The following FAM186A variants were observed in gnomAD, a reference collection of about 807,000 sequenced individuals.
The protein encoded by FAM186A is protein FAM186A.
A neutral mutation model predicts 216.8 loss-of-function variants in FAM186A; 163 were observed. The observed-to-expected ratio is 0.75, with a 90% CI of 0.66 to 0.86. The LOEUF (loss-of-function observed/expected upper bound fraction) is 0.86. FAM186A is among the 40% of genes least tolerant of loss of function. The pLI is 0.00. For missense variants in FAM186A, 2,184 were observed against 2,746.2 expected (o/e 0.80, Z 4.58); for synonymous variants, 805 against 1,025.3 (o/e 0.79, Z 4.10).
chr12:50,327,849 A>C (rs1942620893), intron 7 of FAM186A, among the ~76,000 whole-genome samples: 1 of 152,108 alleles, frequency 6.6e-6, no homozygotes, highest in Admixed American at 6.6e-5. Context: ...CTGGCCTGTA[A>C]TCCATATATA....
chr12:50,342,008 TAAGATTATACC>T (rs1201980534), intron 4 of FAM186A, among the ~76,000 whole-genome samples: 2 of 152,140 alleles, frequency 1.3e-5, no homozygotes, highest in African/African-American at 2.4e-5. Context: ...GATGCAAGCT[TAAGATTATACC>T]AAAACTTCAC....
Position 50,355,313 on chromosome 12 carries a change from T to A in FAM186A, c.1519A>T (p.Lys507Ter). The A allele has an allele frequency of 2.6e-6, 4 of 1,550,422 alleles. No individual in the cohort carries two copies. The South Asian group carries it at 4.8e-5, about 19-fold the overall frequency. The change falls in exon 4 of 8, where the codon AAA becomes TAA. Residue 507 changes from lysine (K) to a stop codon, truncating the protein, a stop_gained. Transcript: ENST00000327337. LOFTEE classifies it high-confidence loss of function. ...TTTGATTTATCTTCAGAAAAGGATTTCATTTCTTTTCTTTTCTTTTTCAGT... is the reference window on the plus strand; with the variant it reads ...TTTGATTTATCTTCAGAAAAGGATTACATTTCTTTTCTTTTCTTTTTCAGT... ...QVLKKKRKEM[K>*]SFSEDKSKSP...
Position 50,333,951 on chromosome 12 carries a change from C to T in FAM186A, c.6656G>A (p.Arg2219Gln), listed in dbSNP as rs1411428395. The stretch of plus-strand genomic sequence containing the variant: ...TATCATTTTCTTCAGGCACTGATTC[C>T]GTTTCTGCCCTAGAGACTTCTGCTT... ...TEKQKSLGQK[R>Q]NQCLKKMIHV... The change falls in exon 5 of 8, where the codon CGG becomes CAG. Residue 2219 changes from arginine to glutamine, a missense_variant. Arg to Gln is a conservative substitution (Grantham distance 43, BLOSUM62 1). Coordinates refer to ENST00000327337, the MANE Select transcript of FAM186A (RefSeq NM_001145475.3). 30 of 1,551,246 alleles carry T rather than the reference C, an allele frequency of 1.9e-5. No homozygotes were observed. The highest frequency in any genetic ancestry group is 2.2e-5 in the Non-Finnish European group (25 of 1,146,944).
In FAM186A at chr12:50,330,647, G is replaced by A. The variant is rs574961453; in HGVS notation, c.6960C>T (p.Tyr2320=). ...ACTGAAGCAGCCTGGGAATATCTGG[G>A]TACCCACCCAGCTGGGCCCAGAGTG... ...MHSLWAQLGG[Y]PDIPRLLQLE... Residue 2320 remains tyrosine, a synonymous_variant, in exon 7 of 8, where the codon TAC becomes TAT. Transcript: ENST00000327337. 1 of 1,550,172 alleles carries A rather than the reference G, an allele frequency of 6.5e-7. No individual in the cohort carries two copies. The highest frequency in any genetic ancestry group is 1.4e-5 in the African/African-American group (1 of 72,926).
rs1258549702 is a variant in FAM186A at position 50,386,296 on chromosome 12, G to A, written c.192+9997C>T. On this transcript the variant is annotated intron_variant, in intron 1 of 7. Transcript: ENST00000327337. Reference sequence around the variant, plus strand: ...ATACAACAATTAGCCAAACCTGGTGGCACCCATCTGTAATCCCAGCTATAG... The same window carrying A: ...ATACAACAATTAGCCAAACCTGGTGACACCCATCTGTAATCCCAGCTATAG... Among the ~76,000 whole-genome samples, 3 of 151,862 alleles carry A rather than the reference G, an allele frequency of 2.0e-5. No individual in the cohort carries two copies. The East Asian group carries it at 5.9e-4, about 30-fold the overall frequency.
intron 1 of FAM186A, among the ~76,000 whole-genome samples, chr12:50,379,178 C>T (rs558188537): frequency 2.5e-4 from 38 of 152,070 alleles, no homozygotes; most frequent in African/African-American, 7.2e-4. Flanking sequence ...CGGTGGCTCA[C>T]GCCTGTAATC....
chr12:50,370,077 TTG>T (rs1943128544), intron 1 of FAM186A, among the ~76,000 whole-genome samples: 4 of 131,060 alleles, frequency 3.1e-5, no homozygotes, highest in Non-Finnish European at 6.2e-5. Flanking sequence ...TGAGCAGAGA[TTG>T]CACCACTGCA....
intron 4 of FAM186A, among the ~76,000 whole-genome samples, chr12:50,346,033 G>A (rs545560369): frequency 8.6e-4 from 128 of 148,646 alleles, no homozygotes; most frequent in Middle Eastern, 3.4e-3. Context: ...TTAGCCGGGC[G>A]TGGTGGCGTG....
intron 1 of FAM186A, among the ~76,000 whole-genome samples, chr12:50,388,069 A>C (rs1943320231): frequency 6.6e-6 from 1 of 152,112 alleles, no homozygotes; most frequent in African/African-American, 2.4e-5. Context: ...GTTTGATTAC[A>C]TAGTTATGGT....
At chr12:50,327,902 T>C (rs1942621189) in intron 7 of FAM186A, among the ~76,000 whole-genome samples, 1 of 152,094 alleles carries the variant, frequency 6.6e-6, no homozygotes, top group Non-Finnish European at 1.5e-5. Flanking sequence ...AGACCCAAAA[T>C]CGGGAAGAAA....
At chr12:50,328,024 G>T (rs1387954551) in intron 7 of FAM186A, among the ~76,000 whole-genome samples, 1 of 152,052 alleles carries the variant, frequency 6.6e-6, no homozygotes, top group Non-Finnish European at 1.5e-5. Flanking sequence ...AGACCTGTCT[G>T]TATTTTTTAA....
chr12:50,377,307 A>G (rs4340149), intron 1 of FAM186A, among the ~76,000 whole-genome samples: 125,250 of 152,158 alleles, frequency 0.82, 54,592 homozygotes, highest in Non-Finnish European at 0.98. Context: ...TAGAGAAAGG[A>G]CAGTCTTTTT....
At chr12:50,365,591 G>A (rs1473521927) in intron 1 of FAM186A, 1 of 511,348 alleles carries the variant, frequency 2.0e-6, no homozygotes. Context: ...TATAATAAGA[G>A]TAAGATAAGT....
chr12:50,365,455 G>A (rs78346522), intron 1 of FAM186A, among the ~76,000 whole-genome samples: 2,638 of 152,218 alleles, frequency 0.017, 76 homozygotes, highest in African/African-American at 0.06. Flanking sequence ...GAGGAATAAA[G>A]AGAATGTTAA....
intron 1 of FAM186A, among the ~76,000 whole-genome samples, chr12:50,394,023 A>T (rs1320870554): frequency 1.3e-5 from 2 of 151,842 alleles, no homozygotes; most frequent in Non-Finnish European, 2.9e-5. Flanking sequence ...GGCTCAAGTG[A>T]TTCTCTTGCC....
intron 1 of FAM186A, among the ~76,000 whole-genome samples, chr12:50,377,907 G>A (rs1192490689): frequency 6.6e-6 from 1 of 151,618 alleles, no homozygotes; most frequent in Non-Finnish European, 1.5e-5. Flanking sequence ...TAAGACTTCT[G>A]CAATATGAAA....
chr12:50,388,664 T>C (rs1176143941), intron 1 of FAM186A, among the ~76,000 whole-genome samples: 1 of 150,870 alleles, frequency 6.6e-6, no homozygotes, highest in Non-Finnish European at 1.5e-5. Context: ...GTCAACTAAG[T>C]GACAGTTGAC....
At chr12:50,394,776 C>T (rs1943397682) in intron 1 of FAM186A, among the ~76,000 whole-genome samples, 1 of 95,822 alleles carries the variant, frequency 1.0e-5, no homozygotes, top group African/African-American at 4.2e-5. Context: ...TAGAGTCCCT[C>T]TGTCACCAGA....
chr12:50,339,869 ACT>A (rs1942745758), intron 4 of FAM186A, among the ~76,000 whole-genome samples: 2 of 150,670 alleles, frequency 1.3e-5, no homozygotes, highest in African/African-American at 4.9e-5. Flanking sequence ...ACAGAGTCTT[ACT>A]CTGTCACCCA....
Sources: gnomAD v4.1 joint callset for allele counts (sites outside exome capture counted in the v4.1 genomes callset) on GRCh38, gnomAD v4.1.1 for gene constraint, MANE v1.5 for transcripts, NCBI Gene and HGNC (gene_info 2026-07-23, HGNC 2026-07-21) for gene names.